Variants in IGF1 observed in about 807,000 individuals in gnomAD.
IGF1 encodes the protein insulin like growth factor 1, also known as insulin-like growth factor 1.
In IGF1, 4 loss-of-function variants were observed where a neutral mutation model predicts 13.8. The ratio of observed to expected loss-of-function variants is 0.29; its 90% CI spans 0.14 to 0.66. The LOEUF is 0.66. IGF1 is among the 30% of genes least tolerant of loss of function. IGF1 has a pLI of 0.78. For synonymous variants in IGF1, 76 were observed against 72.6 expected, an observed-to-expected ratio of 1.05 and a Z score of -0.23; for missense variants, 124 against 188.5, an observed-to-expected ratio of 0.66 and a Z score of 2.00.
intron 1 of IGF1, 61 bp from the exon 2 acceptor site, chr12:102,475,860 T>A (rs1406196644): frequency 1.9e-6 from 3 of 1,541,286 alleles, no homozygotes; most frequent in Non-Finnish European, 1.8e-6. Flanking sequence ...GGGAGTGGGG[T>A]GGGACAGAAG....
chr12:102,428,072 A>G (rs12314338), intron 2 of IGF1, among the ~76,000 whole-genome samples: 2,627 of 151,664 alleles, frequency 0.017, 70 homozygotes, highest in African/African-American at 0.061. Context: ...ATTGGATTAC[A>G]GCCCCAAATC....
intron 2 of IGF1, among the ~76,000 whole-genome samples, chr12:102,444,512 G>T (rs184201640): frequency 6.6e-6 from 1 of 151,974 alleles, no homozygotes; most frequent in Non-Finnish European, 1.5e-5. Flanking sequence ...GTATTTACGC[G>T]TAAGTTCATT....
In IGF1 at chr12:102,401,433, G is replaced by A. The variant is rs1292182200; in HGVS notation, c.*1074C>T. The A allele has an allele frequency of 6.6e-6, 1 of 152,618 alleles. No individual in the cohort carries two copies. Among genetic ancestry groups the A allele is most frequent in the Non-Finnish European group, 1.5e-5 (1 of 68,050 alleles). The allele number at this position is 152,618 out of a possible 1,614,324, so 9.5% of individuals were successfully genotyped here. A position where few individuals can be genotyped will look rare whatever the true frequency, so the allele number is the denominator to read the frequency against. On this transcript the variant is annotated 3_prime_UTR_variant, in exon 4 of 4. Coordinates refer to ENST00000337514, the MANE Select transcript of IGF1 (RefSeq NM_000618.5). The stretch of plus-strand genomic sequence containing the variant: ...GCATCAGTGGACTTTTGTGTCTGAA[G>A]TTCCTCTTGGAAGGCATAACTGGGG...
At chr12:102,412,925 G>C (rs1874771295) in intron 3 of IGF1, among the ~76,000 whole-genome samples, 1 of 152,188 alleles carries the variant, frequency 6.6e-6, no homozygotes, top group South Asian at 2.1e-4. Flanking sequence ...ATTAAAAAAG[G>C]ACCTCCAAAT....
rs898208867 is a variant in IGF1 at position 102,450,728 on chromosome 12, T to C, written c.220+24915A>G. 4.3e-4 allele frequency among the ~76,000 whole-genome samples: 65 copies of C among 152,256 alleles called. 2 individuals are homozygous for C. On this transcript the variant is annotated intron_variant, in intron 2 of 3. Transcript: ENST00000337514. ...TCATTTTCTCAATATCTACATGCTG[T>C]TTGTCAATACAATAATATACTTCCA... is the stretch of plus-strand genomic sequence containing the variant.
chr12:102,468,490 C>G (rs1880474663), intron 2 of IGF1, among the ~76,000 whole-genome samples: 1 of 152,154 alleles, frequency 6.6e-6, no homozygotes, highest in Non-Finnish European at 1.5e-5. Flanking sequence ...TGGCTTTAGC[C>G]AATGTGAGAC....
At chr12:102,447,201 G>A (rs1473240572) in intron 2 of IGF1, among the ~76,000 whole-genome samples, 1 of 152,168 alleles carries the variant, frequency 6.6e-6, no homozygotes, top group Non-Finnish European at 1.5e-5. Flanking sequence ...TGTATATTCT[G>A]TTGATTTGCG....
At position 102,398,384 on chromosome 12, in the gene IGF1, T is replaced by C. The variant is rs1592724811; in HGVS notation, c.*4123A>G. 6.6e-6 allele frequency: 1 copy of C among 152,340 alleles called. No homozygotes were observed. Among genetic ancestry groups the C allele is most frequent in the Non-Finnish European group, 1.5e-5 (1 of 68,030 alleles). 9.4% of individuals were successfully genotyped at this position (152,340 alleles called of 1,614,324 possible). A position where few individuals can be genotyped will look rare whatever the true frequency, so the allele number is the denominator to read the frequency against. On this transcript the variant is annotated 3_prime_UTR_variant, in exon 4 of 4. Transcript: ENST00000337514. Reference sequence around the variant, plus strand: ...GGTAAATCTATGTATTTTTTCTCTTTGTTCTTATTTTCTCCACTTGCTGAA... The same window carrying C: ...GGTAAATCTATGTATTTTTTCTCTTCGTTCTTATTTTCTCCACTTGCTGAA...
At chr12:102,478,325 A>T (rs537278163) in intron 1 of IGF1, among the ~76,000 whole-genome samples, 1 of 152,216 alleles carries the variant, frequency 6.6e-6, no homozygotes, top group African/African-American at 2.4e-5. Context: ...AAGAAAAAAA[A>T]ATCAGAAAAC....
chr12:102,475,251 A>C (rs1880942783), intron 2 of IGF1, among the ~76,000 whole-genome samples: 1 of 152,128 alleles, frequency 6.6e-6, no homozygotes. Flanking sequence ...CAAATCACAT[A>C]GCACTTAAAG....
intron 3 of IGF1, 107 bp from the exon 4 acceptor site, chr12:102,402,673 G>A: frequency 2.6e-6 from 2 of 756,474 alleles, no homozygotes; most frequent in Middle Eastern, 3.2e-4. Context: ...TACCAGTTGA[G>A]CTAATAGAGA....
intron 2 of IGF1, among the ~76,000 whole-genome samples, chr12:102,421,395 A>G (rs1363411228): frequency 6.6e-6 from 1 of 152,172 alleles, no homozygotes; most frequent in African/African-American, 2.4e-5. Context: ...GGAACTATAA[A>G]TTAGAGGAAA....
chr12:102,455,601 C>T (rs1879321657), intron 2 of IGF1, among the ~76,000 whole-genome samples: 1 of 152,184 alleles, frequency 6.6e-6, no homozygotes. Context: ...TCTACCCTCT[C>T]TTCCAGTCTC....
At chr12:102,405,523 T>A (rs967923906) in intron 3 of IGF1, among the ~76,000 whole-genome samples, 1 of 152,182 alleles carries the variant, frequency 6.6e-6, no homozygotes, top group African/African-American at 2.4e-5. Flanking sequence ...TGATGGTCTG[T>A]AGCTGATCAA....
chr12:102,480,182 A>G (rs1881318219), intron 1 of IGF1, 137 bp downstream of exon 1: 1 of 808,316 alleles, frequency 1.2e-6, no homozygotes, highest in South Asian at 1.5e-5. Flanking sequence ...ACAGAATTGC[A>G]TATTCAGCAA....
chr12:102,475,387 T>C (rs1004326932), intron 2 of IGF1, among the ~76,000 whole-genome samples: 4 of 152,098 alleles, frequency 2.6e-5, no homozygotes, highest in African/African-American at 7.2e-5. Context: ...AGGTGGATCA[T>C]AATAGTTGAA....
At chr12:102,462,132 A>T (rs576285256) in intron 2 of IGF1, among the ~76,000 whole-genome samples, 1 of 152,210 alleles carries the variant, frequency 6.6e-6, no homozygotes, top group Admixed American at 6.5e-5. Context: ...ATTTTCACAC[A>T]CTAAGCTTTG....
intron 2 of IGF1, among the ~76,000 whole-genome samples, chr12:102,441,908 T>TGCTGCTTCC (rs1555244024): frequency 9.1e-6 from 1 of 109,390 alleles, no homozygotes; most frequent in African/African-American, 3.5e-5. Context: ...ATTACACTGC[T>TGCTGCTTCC]TCTTCTCCTT....
rs5742680 is a variant in IGF1 at position 102,420,190 on chromosome 12, A to T, written c.221-500T>A. On this transcript the variant is annotated intron_variant, in intron 2 of 3. Coordinates refer to ENST00000337514, the MANE Select transcript of IGF1 (RefSeq NM_000618.5). Reference sequence around the variant, plus strand: ...TTGGAAAGGGCTCCTCATTTTACTAATGTGAAAACTGAGACTCAGAGGTGG... The same window carrying T: ...TTGGAAAGGGCTCCTCATTTTACTATTGTGAAAACTGAGACTCAGAGGTGG... 3.7e-3 allele frequency among the ~76,000 whole-genome samples: 558 copies of T among 152,266 alleles called. 4 individuals carry two copies. The highest frequency in any genetic ancestry group is 0.013 in the African/African-American group (528 of 41,542).
Sources: allele counts gnomAD v4.1 joint callset (sites outside exome capture counted in the v4.1 genomes callset), GRCh38; gene constraint gnomAD v4.1.1; transcripts MANE v1.5; gene names NCBI Gene and HGNC (gene_info 2026-07-23, HGNC 2026-07-21).